The following ITGA1 variants were observed in gnomAD, a reference collection of about 807,000 sequenced individuals.
The protein encoded by ITGA1 is integrin subunit alpha 1.
A neutral mutation model predicts 145.9 loss-of-function variants in ITGA1; 85 were observed. That is an observed-to-expected ratio of 0.58 (90% confidence interval 0.49 to 0.70). The LOEUF (loss-of-function observed/expected upper bound fraction) is 0.70, where lower values mean the gene tolerates loss of function less well. ITGA1 is among the 30% of genes least tolerant of loss of function. The pLI is 0.00. For missense variants in ITGA1, 1,351 were observed against 1,418.7 expected (o/e 0.95, Z 0.77); for synonymous variants, 520 against 495.3 (o/e 1.05, Z -0.66).
chr5:52,886,631 G>C (rs977681543), intron 7 of ITGA1, among the ~76,000 whole-genome samples: 13 of 152,048 alleles, frequency 8.5e-5, no homozygotes, highest in Non-Finnish European at 1.6e-4. Flanking sequence ...AGAGCGAAAA[G>C]GTTTGAGTAA....
At chr5:52,887,359 T>C (rs1468970629) in intron 7 of ITGA1, among the ~76,000 whole-genome samples, 2 of 152,132 alleles carry the variant, frequency 1.3e-5, no homozygotes, top group East Asian at 3.9e-4. Flanking sequence ...TTCGAGCCAT[T>C]CTACAAATGT....
At chr5:52,806,255 T>A (rs945417284) in intron 1 of ITGA1, among the ~76,000 whole-genome samples, 1 of 151,364 alleles carries the variant, frequency 6.6e-6, no homozygotes, top group African/African-American at 2.4e-5. Flanking sequence ...TTATAAAGGA[T>A]CTAGGATGCA....
chr5:52,927,689 G>A, intron 20 of ITGA1, 25 bp downstream of exon 20: 1 of 1,406,972 alleles, frequency 7.1e-7, no homozygotes, highest in Non-Finnish European at 1.0e-6. Flanking sequence ...CAAAATACAT[G>A]TAGAAATTGA....
At position 52,887,765 on chromosome 5, in the gene ITGA1, A is replaced by G. The variant is rs763936015; in HGVS notation, c.774-50A>G. On this transcript the variant is annotated intron_variant, in intron 7 of 28. Coordinates refer to ENST00000282588, the MANE Select transcript of ITGA1 (RefSeq NM_181501.2). Reference sequence around the variant, plus strand: ...TTTTGTTTAGTTTTTTACTTTGTCTATTGTAAAGTGGTGTCTTATCAACCT... The same window carrying G: ...TTTTGTTTAGTTTTTTACTTTGTCTGTTGTAAAGTGGTGTCTTATCAACCT... The G allele has an allele frequency of 9.7e-6, 15 of 1,547,444 alleles. No homozygotes were observed. In the East Asian group the frequency reaches 2.0e-4, roughly 21 times the overall value.
chr5:52,826,614 T>C (rs1242524477), intron 1 of ITGA1, among the ~76,000 whole-genome samples: 1 of 152,182 alleles, frequency 6.6e-6, no homozygotes, highest in Non-Finnish European at 1.5e-5. Flanking sequence ...TAACTCTTCT[T>C]AGGGGCTAAT....
intron 15 of ITGA1, among the ~76,000 whole-genome samples, chr5:52,917,624 A>G (rs921163849): frequency 2.4e-4 from 37 of 152,306 alleles, no homozygotes; most frequent in African/African-American, 8.4e-4. Flanking sequence ...AATATTGGAA[A>G]GCTGTTCATT....
chr5:52,847,860 TTA>T (rs781242665), intron 1 of ITGA1, among the ~76,000 whole-genome samples: 63 of 152,312 alleles, frequency 4.1e-4, no homozygotes, highest in Admixed American at 1.6e-3. Context: ...GAAAGAATTC[TTA>T]GTTACATCTA....
chr5:52,857,866 T>A (rs1279383992), intron 2 of ITGA1, among the ~76,000 whole-genome samples: 1 of 152,186 alleles, frequency 6.6e-6, no homozygotes, highest in African/African-American at 2.4e-5. Context: ...TAACTCATTA[T>A]CAGTGCATCC....
At chr5:52,874,225 C>G (rs1487049913) in intron 6 of ITGA1, among the ~76,000 whole-genome samples, 1 of 152,144 alleles carries the variant, frequency 6.6e-6, no homozygotes. Flanking sequence ...AGACCAAACA[C>G]AAGAGGCAGC....
chr5:52,866,136 T>C (rs1473223369), intron 6 of ITGA1, among the ~76,000 whole-genome samples: 1 of 152,162 alleles, frequency 6.6e-6, no homozygotes. Context: ...TTTCTCAGCC[T>C]CTCCAGAAGC....
At chr5:52,832,775 G>GTGTGTGTCTGTC (rs1554042251) in intron 1 of ITGA1, among the ~76,000 whole-genome samples, 1 of 109,946 alleles carries the variant, frequency 9.1e-6, no homozygotes, top group Non-Finnish European at 1.8e-5. Flanking sequence ...CTGTGTGTGT[G>GTGTGTGTCTGTC]TGTGTGTGTG....
intron 1 of ITGA1, among the ~76,000 whole-genome samples, chr5:52,805,867 A>G (rs2111675550): frequency 6.6e-6 from 1 of 152,182 alleles, no homozygotes; most frequent in South Asian, 2.1e-4. Flanking sequence ...TTGCAGTTGG[A>G]TTTACATCTT....
At chr5:52,809,985 C>A (rs6896316) in intron 1 of ITGA1, among the ~76,000 whole-genome samples, 40,168 of 152,042 alleles carry the variant, frequency 0.26, 5,584 homozygotes, top group Non-Finnish European at 0.3. Flanking sequence ...GGGACCATGA[C>A]TGAAAGGACT....
intron 26 of ITGA1, among the ~76,000 whole-genome samples, 160 bp from the exon 27 acceptor site, chr5:52,944,783 G>T (rs1176067371): frequency 6.6e-6 from 1 of 152,144 alleles, no homozygotes; most frequent in African/African-American, 2.4e-5. Context: ...CAAGTGCACG[G>T]TTATTATTTG....
intron 12 of ITGA1, 41 bp from the exon 13 acceptor site, chr5:52,908,857 C>A: frequency 6.2e-7 from 1 of 1,601,826 alleles, no homozygotes; most frequent in Non-Finnish European, 8.5e-7. Context: ...TTGAGAATTT[C>A]TGTTGTTCAT....
Position 52,922,848 on chromosome 5 carries a change from T to C in ITGA1, c.2364T>C (p.Pro788=), listed in dbSNP as rs1408193904. ...ATCTTACCGATCCAGAAAATGGGCCTGTTCTTGATGATTCTCTACCAAACT... is the reference window on the plus strand; with the variant it reads ...ATCTTACCGATCCAGAAAATGGGCCCGTTCTTGATGATTCTCTACCAAACT... ...DFNLTDPENG[P]VLDDSLPNSV... Residue 788 remains proline (P), a synonymous_variant, in exon 18 of 29, where the codon CCT becomes CCC. Transcript: ENST00000282588. 1 of 1,612,074 alleles carries C rather than the reference T, an allele frequency of 6.2e-7. No homozygotes were observed. Among genetic ancestry groups the C allele is most frequent in the Non-Finnish European group, 8.5e-7 (1 of 1,178,214 alleles).
rs71614392 is a variant in ITGA1 at position 52,889,108 on chromosome 5, AT to A, written c.924+1154del. 2.4e-3 allele frequency among the ~76,000 whole-genome samples: 268 copies of A among 110,970 alleles called. 8 individuals carry two copies. The East Asian group carries it at 0.068, about 28-fold the overall frequency. 72.8% of individuals were successfully genotyped at this position (110,970 alleles called of 152,430 possible). On this transcript the variant is annotated intron_variant, in intron 8 of 28. Coordinates refer to ENST00000282588, the MANE Select transcript of ITGA1 (RefSeq NM_181501.2). ...CAGTTGCTGCTCTAAACTACTATCC[AT>A]TTTTTTTTTTAAATGGAGTCTCGCT...
chr5:52,870,943 T>G (rs1035720144), intron 6 of ITGA1, among the ~76,000 whole-genome samples: 10 of 152,230 alleles, frequency 6.6e-5, no homozygotes, highest in African/African-American at 2.4e-4. Context: ...AGGACCTGAT[T>G]CATCTTAGGA....
rs1286523735 is a variant in ITGA1 at position 52,865,066 on chromosome 5, C to T, written c.480C>T (p.Ser160=). ...DVSPTFQVVN[S]IAPVQECSTQ... ...GCCCCACATTTCAAGTCGTGAATTC[C>T]ATTGCCCCTGTACAAGGTACAGATT... The change falls in exon 5 of 29, where the codon TCC becomes TCT. Residue 160 remains serine, a synonymous_variant. Transcript: ENST00000282588. 2.5e-6 allele frequency: 4 copies of T among 1,612,032 alleles called. No individual in the cohort carries two copies. Among genetic ancestry groups the T allele is most frequent in the Non-Finnish European group, 3.4e-6 (4 of 1,178,416 alleles).
Sources: gnomAD v4.1 joint callset for allele counts (sites outside exome capture counted in the v4.1 genomes callset) on GRCh38, gnomAD v4.1.1 for gene constraint, MANE v1.5 for transcripts, NCBI Gene and HGNC (gene_info 2026-07-23, HGNC 2026-07-21) for gene names.